Variants in PDE9A observed in about 807,000 individuals in gnomAD.
The protein encoded by PDE9A is phosphodiesterase 9A, also known as high affinity cGMP-specific 3',5'-cyclic phosphodiesterase 9A.
In PDE9A, 60 loss-of-function variants were observed where a neutral mutation model predicts 87.4. That is an observed-to-expected ratio of 0.69 (90% CI 0.56 to 0.85). The LOEUF is 0.85. Ranked by LOEUF, PDE9A falls within the 40% of genes least tolerant of loss-of-function variation. The pLI is 0.00. For synonymous variants in PDE9A, 272 were observed against 279.4 expected, an observed-to-expected ratio of 0.97 and a Z score of 0.27; for missense variants, 665 against 779.0, an observed-to-expected ratio of 0.85 and a Z score of 1.74.
intron 4 of PDE9A, among the ~76,000 whole-genome samples, chr21:42,730,351 C>T (rs979637428): frequency 5.3e-5 from 8 of 152,082 alleles, no homozygotes; most frequent in Non-Finnish European, 7.4e-5. Flanking sequence ...CTAAAGGCAG[C>T]GGGAATCTAG....
At chr21:42,770,561 C>G in intron 17 of PDE9A, 142 bp from the exon 18 acceptor site, 1 of 636,246 alleles carries the variant, frequency 1.6e-6, no homozygotes, top group Non-Finnish European at 2.9e-6. Flanking sequence ...TGGGTGGAGG[C>G]AGCAGAGCCG....
In PDE9A at chr21:42,726,592, CCATATATATATA is replaced by C. The variant is rs375442318; in HGVS notation, c.263-5177_263-5166del. 9.5e-3 allele frequency among the ~76,000 whole-genome samples: 701 copies of C among 74,114 alleles called. 22 individuals carry two copies. Among genetic ancestry groups the C allele is most frequent in the East Asian group, 0.034 (116 of 3,378 alleles). 48.6% of individuals were successfully genotyped at this position (74,114 alleles called of 152,430 possible). A position where few individuals can be genotyped will look rare whatever the true frequency, so the allele number is the denominator to read the frequency against. On this transcript the variant is annotated intron_variant, in intron 4 of 19. Transcript: ENST00000291539. ...TATTACTGAATGCCACCACGCCTGGCCATATATATATATATATATATATATATATATATTTTT... is the reference window on the plus strand; with the variant it reads ...TATTACTGAATGCCACCACGCCTGGCTATATATATATATATATATATTTTT...
intron 1 of PDE9A, among the ~76,000 whole-genome samples, chr21:42,664,772 C>T (rs1158958377): frequency 6.6e-6 from 1 of 152,224 alleles, no homozygotes; most frequent in African/African-American, 2.4e-5. Context: ...CTGATGCCTC[C>T]TATTTGGGTA....
intron 5 of PDE9A, 60 bp downstream of exon 5, chr21:42,732,009 A>G (rs1274041098): frequency 1.4e-5 from 23 of 1,611,640 alleles, no homozygotes; most frequent in African/African-American, 4.0e-5. Flanking sequence ...TCGGGCTGCA[A>G]TGGCCTACAC....
chr21:42,723,134 G>A lies in PDE9A; in HGVS notation c.263-8636G>A, dbSNP rs555652341. Among the ~76,000 whole-genome samples the A allele has an allele frequency of 6.6e-6, 1 of 152,194 alleles. No homozygotes were observed. Among genetic ancestry groups the A allele is most frequent in the Admixed American group, 6.5e-5 (1 of 15,284 alleles). The stretch of plus-strand genomic sequence containing the variant: ...GCTGGCAGCCCATAGGCCCCTCCTT[G>A]GTCCCTCTAGAGGTTTGCTTCATTC... On this transcript the variant is annotated intron_variant, in intron 4 of 19. Transcript: ENST00000291539. This position sits in a 1 kb window ranked among gnomAD's most constrained non-coding sequence, Gnocchi z 4.3.
At chr21:42,654,450 C>T (rs541101330) in intron 1 of PDE9A, among the ~76,000 whole-genome samples, 1 of 152,158 alleles carries the variant, frequency 6.6e-6, no homozygotes, top group Non-Finnish European at 1.5e-5. Context: ...GCGTTCCTAG[C>T]GGACTTGAGT....
At chr21:42,753,537 G>A (rs1009625063) in intron 9 of PDE9A, among the ~76,000 whole-genome samples, 1 of 152,100 alleles carries the variant, frequency 6.6e-6, no homozygotes, top group African/African-American at 2.4e-5. Flanking sequence ...AGAAGTATGT[G>A]GCCTGTGAGT....
intron 7 of PDE9A, among the ~76,000 whole-genome samples, chr21:42,737,440 C>CTGTTT (rs2052575521): frequency 2.0e-5 from 3 of 152,128 alleles, no homozygotes; most frequent in Admixed American, 2.0e-4. Context: ...CTGCTGTGAG[C>CTGTTT]TGTTTTGTTT....
In PDE9A at chr21:42,759,152, G is replaced by T; in HGVS notation, c.897+67G>T. On this transcript the variant is annotated intron_variant, in intron 11 of 19. Transcript: ENST00000291539. The surrounding 1 kb of genome is among the most constrained non-coding windows in gnomAD (Gnocchi z 7.2). ...TTTCATCCAGTTCCACAGGAATGGA[G>T]GGAATGGATCACCAGGGCACCTTCC... 1 of 1,176,510 alleles carries T rather than the reference G, an allele frequency of 8.5e-7. No individual in the cohort carries two copies. Among genetic ancestry groups the T allele is most frequent in the East Asian group, 2.4e-5 (1 of 42,290 alleles). The allele number at this position is 1,176,510 out of a possible 1,614,324, so 72.9% of individuals were successfully genotyped here.
At chr21:42,745,446 G>A (rs371317069) in intron 8 of PDE9A, among the ~76,000 whole-genome samples, 1 of 152,242 alleles carries the variant, frequency 6.6e-6, no homozygotes, top group East Asian at 1.9e-4. Context: ...CGTCATCCCT[G>A]TGCTGGAGGC....
intron 1 of PDE9A, among the ~76,000 whole-genome samples, chr21:42,676,340 A>G (rs1469781456): frequency 6.6e-6 from 1 of 152,196 alleles, no homozygotes; most frequent in East Asian, 1.9e-4. Flanking sequence ...CCACAACCAC[A>G]GTCACAGTCT....
chr21:42,653,914 CT>C, intron 1 of PDE9A, 31 bp downstream of exon 1: 1 of 1,337,210 alleles, frequency 7.5e-7, no homozygotes, highest in Non-Finnish European at 1.0e-6. Flanking sequence ...ACACCCCCTC[CT>C]CCCCCCGGGT....
In PDE9A at chr21:42,759,380, A is replaced by AGTGT. The variant is rs1555949483; in HGVS notation, c.897+296_897+297insTGTG. ...ATGTCCTAAAGCAGCGGTGTGTGGGAGCGTGTGTGTGTGTGTGGGAGCGTG... is the reference window on the plus strand; with the variant it reads ...ATGTCCTAAAGCAGCGGTGTGTGGGAGTGTGCGTGTGTGTGTGTGTGGGAGCGTG... On this transcript the variant is annotated intron_variant, in intron 11 of 19. Transcript: ENST00000291539. This position sits in a 1 kb window ranked among gnomAD's most constrained non-coding sequence, Gnocchi z 7.2. Among the ~76,000 whole-genome samples, 1 of 114,892 alleles carries AGTGT rather than the reference A, an allele frequency of 8.7e-6. No homozygotes were observed. The highest frequency in any genetic ancestry group is 1.9e-5 in the Non-Finnish European group (1 of 51,602). 75.4% of individuals were successfully genotyped at this position (114,892 alleles called of 152,430 possible). A position where few individuals can be genotyped will look rare whatever the true frequency, so the allele number is the denominator to read the frequency against.
chr21:42,676,731 C>T (rs917444272), intron 1 of PDE9A, among the ~76,000 whole-genome samples: 3 of 152,210 alleles, frequency 2.0e-5, no homozygotes, highest in Non-Finnish European at 2.9e-5. Context: ...CAATTGTCAA[C>T]GGGATTGTCA....
At chr21:42,690,554 G>A (rs1479925672) in intron 3 of PDE9A, among the ~76,000 whole-genome samples, 9 of 152,072 alleles carry the variant, frequency 5.9e-5, no homozygotes, top group Admixed American at 1.3e-4. Flanking sequence ...GGGGCGGCAC[G>A]TGCTGAGATG....
Position 42,760,288 on chromosome 21 carries a change from G to A in PDE9A, c.898-40G>A. 1 of 1,245,854 alleles carries A rather than the reference G, an allele frequency of 8.0e-7. No homozygotes were observed. Among genetic ancestry groups the A allele is most frequent in the Non-Finnish European group, 1.2e-6 (1 of 852,156 alleles). 77.2% of individuals were successfully genotyped at this position (1,245,854 alleles called of 1,614,324 possible). A position where few individuals can be genotyped will look rare whatever the true frequency, so the allele number is the denominator to read the frequency against. Reference sequence around the variant, plus strand: ...TGGCTTTGGGAGGAGAGGTGGGCGGGCCCAGGCACAGGGTGACTCGGACCC... The same window carrying A: ...TGGCTTTGGGAGGAGAGGTGGGCGGACCCAGGCACAGGGTGACTCGGACCC... On this transcript the variant is annotated intron_variant, in intron 11 of 19. Transcript: ENST00000291539. This position sits in a 1 kb window ranked among gnomAD's most constrained non-coding sequence, Gnocchi z 5.2.
At chr21:42,678,921 A>C (rs2059002743) in intron 1 of PDE9A, among the ~76,000 whole-genome samples, 1 of 152,246 alleles carries the variant, frequency 6.6e-6, no homozygotes, top group Non-Finnish European at 1.5e-5. Flanking sequence ...GCTGAAGCCC[A>C]GTGGACTCCC....
chr21:42,733,519 G>A lies in PDE9A; in HGVS notation c.568+93G>A, dbSNP rs2146744540. 5.4e-6 allele frequency: 4 copies of A among 739,694 alleles called. No individual in the cohort carries two copies. The Admixed American group carries it at 6.5e-5, about 12-fold the overall frequency. The allele number at this position is 739,694 out of a possible 1,614,324, so 45.8% of individuals were successfully genotyped here. A position where few individuals can be genotyped will look rare whatever the true frequency, so the allele number is the denominator to read the frequency against. ...AACGGGGAGGAGTTCAGTGCCGAAGGTAAATACAAATAAATGTCTTTTCTT... is the reference window on the plus strand; with the variant it reads ...AACGGGGAGGAGTTCAGTGCCGAAGATAAATACAAATAAATGTCTTTTCTT... On this transcript the variant is annotated intron_variant, in intron 7 of 19. Transcript: ENST00000291539.
chr21:42,738,300 G>A (rs1569224859), intron 7 of PDE9A, among the ~76,000 whole-genome samples: 1 of 152,248 alleles, frequency 6.6e-6, no homozygotes, highest in Non-Finnish European at 1.5e-5. Context: ...CACTCCGGAA[G>A]TGTGCTCTAC....
Sources: gnomAD v4.1 joint callset for allele counts (sites outside exome capture counted in the v4.1 genomes callset) on GRCh38, gnomAD v4.1.1 for gene constraint, Gnocchi (gnomAD v3.1) non-coding constraint, MANE v1.5 for transcripts, NCBI Gene and HGNC (gene_info 2026-07-23, HGNC 2026-07-21) for gene names.